Variants in OTOF observed in about 807,000 individuals in gnomAD.
OTOF encodes fer-1-like family member 2.
OTOF carries 218 observed loss-of-function variants against 236.8 expected under a neutral mutation model. That is an observed-to-expected ratio of 0.92 (90% CI 0.82 to 1.03). The LOEUF (loss-of-function observed/expected upper bound fraction) is 1.03. OTOF is among the 50% of genes least tolerant of loss of function. OTOF has a pLI of 0.00. For synonymous variants in OTOF, 1,041 were observed against 1,072.5 expected, an observed-to-expected ratio of 0.97 and a Z score of 0.57; for missense variants, 2,590 against 2,694.4, an observed-to-expected ratio of 0.96 and a Z score of 0.86.
chr2:26,463,997 C>T lies in OTOF; in HGVS notation c.5070G>A (p.Pro1690=), dbSNP rs928999275. 1.1e-5 allele frequency: 17 copies of T among 1,613,650 alleles called. No homozygotes were observed. In the Middle Eastern group the frequency reaches 4.9e-4, roughly 47 times the overall value. ...RLVPEHVETR[P]LLNPDKPGIE... is the part of the protein sequence containing the mutation. ...TGCCCGGCTTGTCGGGGTTGAGCAG[C>T]GGCCTCGTCTCCACATGCTCTGGCA... Residue 1690 remains proline, a synonymous_variant, in exon 40 of 47, where the codon CCG becomes CCA. Coordinates refer to ENST00000272371, the MANE Select transcript of OTOF (RefSeq NM_194248.3).
chr2:26,507,397 C>G (rs1666275905), intron 5 of OTOF, among the ~76,000 whole-genome samples: 1 of 152,208 alleles, frequency 6.6e-6, no homozygotes, highest in African/African-American at 2.4e-5. Flanking sequence ...TCCCAGAAAG[C>G]AGTATGCCTA....
At chr2:26,553,771 T>C (rs545073308) in intron 1 of OTOF, among the ~76,000 whole-genome samples, 1 of 152,320 alleles carries the variant, frequency 6.6e-6, no homozygotes, top group Admixed American at 6.5e-5. Context: ...TCCCACCTCC[T>C]TTCCCGTCTG....
intron 4 of OTOF, among the ~76,000 whole-genome samples, chr2:26,517,176 A>G (rs189944396): frequency 8.9e-4 from 136 of 152,240 alleles, no homozygotes; most frequent in African/African-American, 3.2e-3. Context: ...AGAGCACTCA[A>G]CCGGGCTCAG....
intron 1 of OTOF, among the ~76,000 whole-genome samples, chr2:26,546,748 G>GTTT (rs35627471): frequency 5.6e-5 from 8 of 142,124 alleles, no homozygotes; most frequent in Admixed American, 1.4e-4. Context: ...TACATGTTTG[G>GTTT]TTTTTTTTTT....
At position 26,475,332 on chromosome 2, in the gene OTOF, G is replaced by C. The variant is rs763884373; in HGVS notation, c.3126+27C>G. ...AAGGGCCAGGTGTGGTGCTGCTGGG[G>C]TCCCTGGCACCAGAGCCCACCCATA... On this transcript the variant is annotated intron_variant, in intron 25 of 46. Coordinates refer to ENST00000272371, the MANE Select transcript of OTOF (RefSeq NM_194248.3). 10 of 1,612,112 alleles carry C rather than the reference G, an allele frequency of 6.2e-6. No individual in the cohort carries two copies. The South Asian group carries it at 1.1e-4, about 18-fold the overall frequency.
intron 24 of OTOF, among the ~76,000 whole-genome samples, 158 bp downstream of exon 24, chr2:26,475,756 C>A (rs909233375): frequency 6.6e-6 from 1 of 152,186 alleles, no homozygotes; most frequent in Non-Finnish European, 1.5e-5. Flanking sequence ...GCGTCTGCTG[C>A]AGTTATCTGC....
chr2:26,536,815 A>G (rs1313483551), intron 2 of OTOF, among the ~76,000 whole-genome samples: 1 of 152,148 alleles, frequency 6.6e-6, no homozygotes, highest in Non-Finnish European at 1.5e-5. Flanking sequence ...CCCTCACTCC[A>G]AAGTCATCCC....
chr2:26,508,173 T>C (rs1666296087), intron 5 of OTOF, among the ~76,000 whole-genome samples: 1 of 152,190 alleles, frequency 6.6e-6, no homozygotes, highest in Non-Finnish European at 1.5e-5. Flanking sequence ...AGCTCAGGCC[T>C]CAGGTAATCA....
At chr2:26,496,361 A>G (rs1383016574) in intron 8 of OTOF, among the ~76,000 whole-genome samples, 2 of 151,262 alleles carry the variant, frequency 1.3e-5, no homozygotes, top group Non-Finnish European at 2.9e-5. Context: ...CAGCCTCCCA[A>G]GTAGCTGGGA....
chr2:26,529,221 G>T (rs1243338513), intron 2 of OTOF, among the ~76,000 whole-genome samples: 6 of 152,208 alleles, frequency 3.9e-5, no homozygotes, highest in Non-Finnish European at 8.8e-5. Context: ...GCTGAGGTCT[G>T]CTCAAGACGC....
At chr2:26,555,590 C>T (rs914134926) in intron 1 of OTOF, among the ~76,000 whole-genome samples, 1 of 151,954 alleles carries the variant, frequency 6.6e-6, no homozygotes, top group Non-Finnish European at 1.5e-5. Context: ...AAAGCTGGTG[C>T]ACACCCAGCC....
Position 26,458,018 on chromosome 2 carries a change from G to A in OTOF, c.*220C>T, listed in dbSNP as rs72853716. On this transcript the variant is annotated 3_prime_UTR_variant, in exon 47 of 47. Transcript: ENST00000272371. ...AGGAAATGCGGCAGGGCTGGGGAGC[G>A]GCTGGCGGGAGCTGGCGGCCTTCAT... 6.4e-4 allele frequency: 1,020 copies of A among 1,606,202 alleles called. 4 individuals are homozygous for A. In the African/African-American group the frequency reaches 0.012, roughly 19 times the overall value.
At chr2:26,529,591 A>G (rs1666891502) in intron 2 of OTOF, among the ~76,000 whole-genome samples, 1 of 152,148 alleles carries the variant, frequency 6.6e-6, no homozygotes, top group Non-Finnish European at 1.5e-5. Flanking sequence ...CACGTTTGCC[A>G]TTCCCAAAGC....
At chr2:26,484,439 C>A (rs371481715) in intron 12 of OTOF, 35 bp downstream of exon 12, 5 of 1,612,962 alleles carry the variant, frequency 3.1e-6, no homozygotes, top group Admixed American at 3.3e-5. Flanking sequence ...GAAGGGCTGG[C>A]TCAGACTCCA....
At chr2:26,548,445 C>T (rs1274714761) in intron 1 of OTOF, among the ~76,000 whole-genome samples, 1 of 152,130 alleles carries the variant, frequency 6.6e-6, no homozygotes, top group East Asian at 1.9e-4. Flanking sequence ...TTTTCATCAC[C>T]CTGGAAGGAG....
chr2:26,505,617 C>T (rs1264038697), intron 5 of OTOF, among the ~76,000 whole-genome samples: 6 of 152,184 alleles, frequency 3.9e-5, no homozygotes, highest in Non-Finnish European at 7.3e-5. Context: ...ACAATAATCG[C>T]GAGGTCACAC....
At position 26,470,919 on chromosome 2, in the gene OTOF, G is replaced by A. The variant is rs1161320980; in HGVS notation, c.3895-198C>T. Among the ~76,000 whole-genome samples, 21 of 152,194 alleles carry A rather than the reference G, an allele frequency of 1.4e-4. No individual in the cohort carries two copies. The highest frequency in any genetic ancestry group is 7.3e-5 in the Non-Finnish European group (5 of 68,030). On this transcript the variant is annotated intron_variant, in intron 31 of 46. Coordinates refer to ENST00000272371, the MANE Select transcript of OTOF (RefSeq NM_194248.3). This position sits in a 1 kb window ranked among gnomAD's most constrained non-coding sequence, Gnocchi z 4.3. ...CCACAGAGTGTTGTGACCTGCCAGT[G>A]CGATCCACTCGCCCAAGCAGGACTG...
intron 40 of OTOF, 25 bp downstream of exon 40, chr2:26,463,939 C>A: frequency 6.2e-7 from 1 of 1,612,358 alleles, no homozygotes; most frequent in East Asian, 2.2e-5. Flanking sequence ...CCCAAGAACC[C>A]CAGTCTTGGC....
At position 26,558,700 on chromosome 2, in the gene OTOF, C is replaced by A; in HGVS notation, c.-129G>T. The A allele has an allele frequency of 1.3e-6, 1 of 786,604 alleles. No homozygotes were observed. Among genetic ancestry groups the A allele is most frequent in the South Asian group, 1.5e-5 (1 of 66,984 alleles). The allele number at this position is 786,604 out of a possible 1,614,324, so 48.7% of individuals were successfully genotyped here. A position where few individuals can be genotyped will look rare whatever the true frequency, so the allele number is the denominator to read the frequency against. On this transcript the variant is annotated 5_prime_UTR_variant, in exon 1 of 47. Transcript: ENST00000272371. Reference sequence around the variant, plus strand: ...TCCTCCTCCCGACCCCCCTCCGATGCTGCCCACAGAGACCAAGGCAACCAA... The same window carrying A: ...TCCTCCTCCCGACCCCCCTCCGATGATGCCCACAGAGACCAAGGCAACCAA...
Sources: gnomAD v4.1 joint callset for allele counts (sites outside exome capture counted in the v4.1 genomes callset) on GRCh38, gnomAD v4.1.1 for gene constraint, Gnocchi (gnomAD v3.1) non-coding constraint, MANE v1.5 for transcripts, NCBI Gene and HGNC (gene_info 2026-07-23, HGNC 2026-07-21) for gene names.